TMEM255B: variants seen among roughly 807,000 people sequenced by gnomAD.
TMEM255B encodes the protein family with sequence similarity 70, member B.
Under a neutral mutation model 34.5 loss-of-function variants are expected in TMEM255B, and 35 were observed. That is an observed-to-expected ratio of 1.01 (90% confidence interval 0.77 to 1.34). The LOEUF (loss-of-function observed/expected upper bound fraction) is 1.34, where lower values mean the gene tolerates loss of function less well. TMEM255B is among the 40% of genes most tolerant of loss of function. The pLI is 0.00. For missense variants in TMEM255B, 432 were observed against 433.2 expected (o/e 1.00, Z 0.02); for synonymous variants, 206 against 201.2 (o/e 1.02, Z -0.20).
intron 3 of TMEM255B, among the ~76,000 whole-genome samples, chr13:113,792,862 TG>T (rs1166357440): frequency 1.3e-5 from 2 of 152,246 alleles, no homozygotes; most frequent in Non-Finnish European, 2.9e-5. Flanking sequence ...AGGCAATCGA[TG>T]ATAAAATGCC....
chr13:113,795,897 GCACA>G (rs1223455927), intron 4 of TMEM255B, among the ~76,000 whole-genome samples: 2 of 111,274 alleles, frequency 1.8e-5, no homozygotes, highest in South Asian at 3.1e-4. Context: ...AGAGCACACA[GCACA>G]CACACAACAC....
chr13:113,801,620 G>T, intron 6 of TMEM255B, 33 bp from the exon 7 acceptor site: 1 of 1,558,066 alleles, frequency 6.4e-7, no homozygotes, highest in Non-Finnish European at 8.7e-7. Context: ...CACTTGCCTC[G>T]TGCGGTGACG....
At chr13:113,793,577 G>A (rs1478451720) in intron 3 of TMEM255B, among the ~76,000 whole-genome samples, 3 of 152,218 alleles carry the variant, frequency 2.0e-5, no homozygotes, top group East Asian at 3.9e-4. Context: ...CTGTGGACTC[G>A]CTCTCCGGCC....
chr13:113,762,060 A>G (rs1446212660), intron 1 of TMEM255B, among the ~76,000 whole-genome samples: 1 of 151,332 alleles, frequency 6.6e-6, no homozygotes, highest in African/African-American at 2.4e-5. Flanking sequence ...ACTTAGGAGC[A>G]CTTTAATTTT....
intron 3 of TMEM255B, among the ~76,000 whole-genome samples, chr13:113,778,537 T>C (rs2050616897): frequency 6.7e-6 from 1 of 148,798 alleles, no homozygotes. Flanking sequence ...CCCGGGTGAG[T>C]CTCGATTTCA....
At chr13:113,799,268 T>G in intron 4 of TMEM255B, 71 bp from the exon 5 acceptor site, 2 of 1,485,234 alleles carry the variant, frequency 1.3e-6, no homozygotes, top group South Asian at 1.2e-5. Flanking sequence ...CCCACAGGCC[T>G]GAAATTGCCT....
intron 8 of TMEM255B, among the ~76,000 whole-genome samples, chr13:113,809,971 A>T (rs756436008): frequency 3.3e-5 from 5 of 152,090 alleles, no homozygotes; most frequent in Non-Finnish European, 7.4e-5. Context: ...GAACCACTGG[A>T]TCCCATGAGC....
chr13:113,810,680 G>C (rs994729519), intron 8 of TMEM255B, among the ~76,000 whole-genome samples: 1 of 152,170 alleles, frequency 6.6e-6, no homozygotes, highest in Admixed American at 6.5e-5. Flanking sequence ...TTCTCCTGGG[G>C]ACCACAGCCT....
intron 8 of TMEM255B, among the ~76,000 whole-genome samples, chr13:113,808,975 G>A (rs539940610): frequency 1.7e-4 from 25 of 148,082 alleles, no homozygotes; most frequent in Non-Finnish European, 3.4e-4. Flanking sequence ...GTGGTTCCTG[G>A]GGAGATTACT....
chr13:113,773,252 T>A (rs1052745635), intron 3 of TMEM255B, among the ~76,000 whole-genome samples: 2 of 152,260 alleles, frequency 1.3e-5, no homozygotes, highest in African/African-American at 2.4e-5. Context: ...TGCAAGTGTT[T>A]AGAAATACTG....
chr13:113,775,044 CACACACA>C (rs1157194093), intron 3 of TMEM255B, among the ~76,000 whole-genome samples: 2 of 93,936 alleles, frequency 2.1e-5, no homozygotes, highest in Non-Finnish European at 4.4e-5. Flanking sequence ...ACACACATTG[CACACACA>C]ACACACCACA....
intron 4 of TMEM255B, among the ~76,000 whole-genome samples, chr13:113,796,433 GA>G (rs2050940317): frequency 2.8e-5 from 2 of 72,244 alleles, no homozygotes; most frequent in South Asian, 9.8e-4. Flanking sequence ...ACACCACACA[GA>G]GCACACACCA....
rs1233245036 is a variant in TMEM255B at position 113,816,040 on chromosome 13, TCG to T, written c.*4139_*4140del. 5.3e-5 allele frequency: 10 copies of T among 188,252 alleles called. No homozygotes were observed. The highest frequency in any genetic ancestry group is 2.2e-4 in the African/African-American group (9 of 41,456). The allele number at this position is 188,252 out of a possible 1,614,324, so 11.7% of individuals were successfully genotyped here. A position where few individuals can be genotyped will look rare whatever the true frequency, so the allele number is the denominator to read the frequency against. ...GTTCTTTTCGGGGAGGCAAGCGTGT[TCG>T]CAGCGTGTTCTGTATGGGGAGAGAT... is the stretch of plus-strand genomic sequence containing the variant. On this transcript the variant is annotated 3_prime_UTR_variant, in exon 9 of 9. Coordinates refer to ENST00000375353, the MANE Select transcript of TMEM255B (RefSeq NM_182614.4).
rs183348016 is a variant in TMEM255B at position 113,789,643 on chromosome 13, A to T, written c.253-5505A>T. On this transcript the variant is annotated intron_variant, in intron 3 of 8. Transcript: ENST00000375353. The stretch of plus-strand genomic sequence containing the variant: ...CTGCCTGGACTCGGGTTGAAGCACC[A>T]TGAGAAGCTCTTGGCATTTTCATGT... Among the ~76,000 whole-genome samples, 70 of 152,344 alleles carry T rather than the reference A, an allele frequency of 4.6e-4. No individual in the cohort carries two copies. In the East Asian group the frequency reaches 0.01, roughly 23 times the overall value.
intron 1 of TMEM255B, among the ~76,000 whole-genome samples, chr13:113,764,425 C>G (rs892115240): frequency 6.6e-6 from 1 of 152,206 alleles, no homozygotes; most frequent in African/African-American, 2.4e-5. Flanking sequence ...CTCCCTGGCC[C>G]GCACCGGGCT....
chr13:113,810,053 C>T (rs919271144), intron 8 of TMEM255B, among the ~76,000 whole-genome samples: 1 of 152,196 alleles, frequency 6.6e-6, no homozygotes, highest in Non-Finnish European at 1.5e-5. Flanking sequence ...TACACCTGTG[C>T]AGAAATTCTG....
intron 8 of TMEM255B, among the ~76,000 whole-genome samples, chr13:113,809,076 T>C (rs2138587101): frequency 3.1e-5 from 4 of 127,440 alleles, no homozygotes; most frequent in African/African-American, 5.9e-5. Flanking sequence ...GGGTTTACTC[T>C]GTGGTTCCTG....
Position 113,769,043 on chromosome 13 carries a change from TA to T in TMEM255B, c.190-53del. 5 of 1,597,718 alleles carry T rather than the reference TA, an allele frequency of 3.1e-6. No individual in the cohort carries two copies. The highest frequency in any genetic ancestry group is 4.3e-6 in the Non-Finnish European group (5 of 1,165,398). On this transcript the variant is annotated intron_variant, in intron 2 of 8. Transcript: ENST00000375353. This position sits in a 1 kb window ranked among gnomAD's most constrained non-coding sequence, Gnocchi z 4.2. Reference sequence around the variant, plus strand: ...GATTATTTGCTTTAAATGTCAGTGTTAAGCTTCTAGGCACGTTAATGAGTGT... The same window carrying T: ...GATTATTTGCTTTAAATGTCAGTGTTAGCTTCTAGGCACGTTAATGAGTGT...
Position 113,795,224 on chromosome 13 carries a change from C to T in TMEM255B, c.329C>T (p.Ala110Val), listed in dbSNP as rs766041183. The T allele has an allele frequency of 6.8e-6, 11 of 1,613,638 alleles. No homozygotes were observed. In the South Asian group the frequency reaches 8.8e-5, roughly 13 times the overall value. ...FCCAIVDGVF[A>V]AQHIEPRPLT... ...TGCGCCATCGTGGACGGCGTATTTG[C>T]AGCACAGCACATTGTGAGTACATTG... Residue 110 changes from alanine (A) to valine (V), a missense_variant, in exon 4 of 9, where the codon GCA (alanine) becomes GTA (valine). Physicochemically the swap from Ala to Val is moderately conservative, Grantham distance 64. Transcript: ENST00000375353.
Sources: gnomAD v4.1 joint callset for allele counts (sites outside exome capture counted in the v4.1 genomes callset) on GRCh38, gnomAD v4.1.1 for gene constraint, Gnocchi (gnomAD v3.1) non-coding constraint, MANE v1.5 for transcripts, NCBI Gene and HGNC (gene_info 2026-07-23, HGNC 2026-07-21) for gene names.